SLIT3: variants seen among roughly 807,000 people sequenced by gnomAD.
SLIT3 encodes slit guidance ligand 3.
Under a neutral mutation model 184.0 loss-of-function variants are expected in SLIT3, and 68 were observed. The ratio of observed to expected loss-of-function variants is 0.37; its 90% CI spans 0.30 to 0.45. The LOEUF is 0.45. Among genes scored for constraint, SLIT3 ranks in the 20% least tolerant of loss-of-function variants. The probability of loss-of-function intolerance (pLI) is 1.00; values close to 1 mark genes in which losing one functional copy is unlikely to be tolerated. For synonymous variants in SLIT3, 831 were observed against 828.6 expected, an observed-to-expected ratio of 1.00 and a Z score of -0.05; for missense variants, 1,707 against 2,026.0, an observed-to-expected ratio of 0.84 and a Z score of 3.02.
intron 4 of SLIT3, among the ~76,000 whole-genome samples, chr5:168,974,495 T>C (rs1754684410): frequency 6.6e-6 from 1 of 152,214 alleles, no homozygotes; most frequent in African/African-American, 2.4e-5. Flanking sequence ...TGAAGGGGTT[T>C]TCAAGGGTAC....
At chr5:168,836,217 A>T (rs1222012420) in intron 6 of SLIT3, among the ~76,000 whole-genome samples, 1 of 152,182 alleles carries the variant, frequency 6.6e-6, no homozygotes, top group Non-Finnish European at 1.5e-5. Context: ...CCCTGGTGGG[A>T]ATGGCAGCAG....
chr5:169,297,710 T>C (rs920267937), intron 1 of SLIT3, among the ~76,000 whole-genome samples: 2 of 152,232 alleles, frequency 1.3e-5, no homozygotes, highest in African/African-American at 4.8e-5. Context: ...AGTTTCCTTC[T>C]ATCTTTTGCT....
intron 5 of SLIT3, among the ~76,000 whole-genome samples, chr5:168,867,749 T>C (rs1340531383): frequency 6.6e-6 from 1 of 152,112 alleles, no homozygotes; most frequent in Non-Finnish European, 1.5e-5. Context: ...TTAGAGTCGC[T>C]TTTTCAAGGC....
intron 1 of SLIT3, among the ~76,000 whole-genome samples, chr5:169,268,542 C>T (rs146594156): frequency 6.6e-6 from 1 of 152,286 alleles, no homozygotes; most frequent in Non-Finnish European, 1.5e-5. Context: ...ACCTTTCTTA[C>T]ACATCTGGGC....
chr5:169,267,725 C>T (rs982476890), intron 1 of SLIT3, among the ~76,000 whole-genome samples: 6 of 152,208 alleles, frequency 3.9e-5, no homozygotes, highest in Middle Eastern at 3.2e-3. Context: ...CACAAAATAT[C>T]GGCAACAGGA....
intron 20 of SLIT3, among the ~76,000 whole-genome samples, chr5:168,738,095 G>T (rs1482248736): frequency 6.6e-6 from 1 of 152,184 alleles, no homozygotes; most frequent in Non-Finnish European, 1.5e-5. Context: ...GACCAGAGTG[G>T]TTCTCAAAGT....
In SLIT3 at chr5:168,806,473, G is replaced by T; in HGVS notation, c.908C>A (p.Ala303Asp). ...CRGKGLMEIP[A>D]NLPEGIVEIR... ...TTCGACGATGCCCTCCGGCAAGTTG[G>T]CAGGAATCTCCATCAAGCCCTTTCC... The change falls in exon 9 of 36, where the codon GCC becomes GAC. Residue 303 changes from alanine to aspartate, a missense_variant. This residue lies in a region of SLIT3 where 1,307 missense variants were observed against 1,511.6 expected (regional missense o/e 0.86). Coordinates refer to ENST00000519560, the MANE Select transcript of SLIT3 (RefSeq NM_003062.4). The T allele has an allele frequency of 6.2e-7, 1 of 1,614,206 alleles. No individual in the cohort carries two copies. The highest frequency in any genetic ancestry group is 8.5e-7 in the Non-Finnish European group (1 of 1,180,036).
intron 12 of SLIT3, among the ~76,000 whole-genome samples, chr5:168,777,507 A>G (rs979938163): frequency 6.6e-6 from 1 of 152,118 alleles, no homozygotes; most frequent in African/African-American, 2.4e-5. Context: ...TTTTTTTCTC[A>G]TCCAGATGCT....
chr5:169,249,229 C>G (rs1044712501), intron 2 of SLIT3, among the ~76,000 whole-genome samples: 1 of 151,972 alleles, frequency 6.6e-6, no homozygotes, highest in African/African-American at 2.4e-5. Context: ...AATAAAGGGC[C>G]ACTTGAATGG....
intron 1 of SLIT3, among the ~76,000 whole-genome samples, chr5:169,293,204 A>G (rs568230950): frequency 6.6e-6 from 1 of 152,300 alleles, no homozygotes; most frequent in South Asian, 2.1e-4. Flanking sequence ...AAGATTATAC[A>G]TGCTCTGGGT....
At chr5:169,156,841 A>G (rs1470991827) in intron 4 of SLIT3, among the ~76,000 whole-genome samples, 4 of 152,228 alleles carry the variant, frequency 2.6e-5, no homozygotes, top group Admixed American at 2.0e-4. Context: ...AACAAACACC[A>G]GAAGACTCTC....
chr5:168,668,020 G>A (rs74549313), intron 35 of SLIT3, among the ~76,000 whole-genome samples: 1 of 152,212 alleles, frequency 6.6e-6, no homozygotes, highest in East Asian at 1.9e-4. Context: ...AATGAGTTTT[G>A]GTTAAGAATA....
At chr5:169,185,319 T>C (rs894206025) in intron 4 of SLIT3, among the ~76,000 whole-genome samples, 2 of 152,126 alleles carry the variant, frequency 1.3e-5, no homozygotes, top group Non-Finnish European at 2.9e-5. Context: ...GGTGGCTGTG[T>C]CCCTGAAAAA....
At chr5:169,200,229 C>T (rs766790098) in intron 3 of SLIT3, among the ~76,000 whole-genome samples, 26 of 152,236 alleles carry the variant, frequency 1.7e-4, no homozygotes, top group Non-Finnish European at 3.5e-4. Flanking sequence ...CCCTCCTTTC[C>T]TCAGGGAGCT....
intron 32 of SLIT3, 63 bp downstream of exon 32, chr5:168,683,903 A>C: frequency 7.3e-7 from 1 of 1,363,494 alleles, no homozygotes; most frequent in African/African-American, 1.5e-5. Flanking sequence ...TCTGAGTTGC[A>C]GGCCCAGAGG....
Position 169,039,319 on chromosome 5 carries a change from T to G in SLIT3, c.413+154160A>C, listed in dbSNP as rs370532043. On this transcript the variant is annotated intron_variant, in intron 4 of 35. Transcript: ENST00000519560. ...GTAAGAGTTAAGTTTTTTTTTGTGT[T>G]TTTTTTTTTTTTTTTGAGATGCAGT... is the stretch of plus-strand genomic sequence containing the variant. Among the ~76,000 whole-genome samples the G allele has an allele frequency of 7.7e-4, 62 of 80,260 alleles. 1 individual carries two copies. Among genetic ancestry groups the G allele is most frequent in the South Asian group, 2.6e-3 (9 of 3,404 alleles). 52.7% of individuals were successfully genotyped at this position (80,260 alleles called of 152,430 possible). A position where few individuals can be genotyped will look rare whatever the true frequency, so the allele number is the denominator to read the frequency against.
intron 25 of SLIT3, 50 bp downstream of exon 25, chr5:168,710,845 C>G (rs1762532620): frequency 1.4e-6 from 2 of 1,423,424 alleles, no homozygotes; most frequent in Non-Finnish European, 9.3e-7. Context: ...GCTGGGAACA[C>G]AGCAGACCCC....
At chr5:169,239,826 G>C (rs1389609675) in intron 3 of SLIT3, among the ~76,000 whole-genome samples, 1 of 151,806 alleles carries the variant, frequency 6.6e-6, no homozygotes, top group Non-Finnish European at 1.5e-5. Context: ...ACTTTGTAAG[G>C]AGGATATTTT....
chr5:169,263,629 CGCCCA>C, intron 1 of SLIT3: 1 of 494,066 alleles, frequency 2.0e-6, no homozygotes, highest in Admixed American at 2.4e-5. Context: ...CATACAGATA[CGCCCA>C]ACGTTCAGGC....
Sources: gnomAD v4.1 joint callset for allele counts (sites outside exome capture counted in the v4.1 genomes callset) on GRCh38, gnomAD v4.1.1 for gene constraint, gnomAD v4.1.1 regional missense constraint, MANE v1.5 for transcripts, NCBI Gene and HGNC (gene_info 2026-07-23, HGNC 2026-07-21) for gene names.